SDHAF4: variants seen among roughly 807,000 people sequenced by gnomAD.
SDHAF4 encodes the protein succinate dehydrogenase complex assembly factor 4, also known as succinate dehydrogenase assembly factor 4, mitochondrial.
Under a neutral mutation model 14.3 loss-of-function variants are expected in SDHAF4, and 14 were observed. The ratio of observed to expected loss-of-function variants is 0.98; its 90% confidence interval spans 0.65 to 1.53. The LOEUF is 1.53. Among genes scored for constraint, SDHAF4 ranks in the 40% most tolerant of loss-of-function variants. The pLI, the probability that SDHAF4 is intolerant of heterozygous loss-of-function variation, is 0.00. For synonymous variants in SDHAF4, 63 were observed against 47.3 expected (o/e 1.33, Z -1.36); for missense variants, 141 against 129.3 (o/e 1.09, Z -0.44).
At chr6:70,598,240 A>T in the SDHAF4 span, among the ~76,000 whole-genome samples, 4 of 152,146 alleles carry the variant, frequency 2.6e-5, no homozygotes, top group Admixed American at 2.6e-4. Flanking sequence ...GTAGCCAGGC[A>T]TGCTGGCGGG....
chr6:70,583,692 A>AAAAACC (rs1485912804), intron 2 of SDHAF4, among the ~76,000 whole-genome samples: 1 of 152,172 alleles, frequency 6.6e-6, no homozygotes, highest in Non-Finnish European at 1.5e-5. Context: ...AAACAAAAAC[A>AAAAACC]AAACAAAACA....
intron 2 of SDHAF4, among the ~76,000 whole-genome samples, chr6:70,584,123 A>G (rs1335017270): frequency 2.0e-5 from 3 of 152,046 alleles, no homozygotes; most frequent in Non-Finnish European, 4.4e-5. Context: ...CCTCGGGTTC[A>G]AGCGAGTCTC....
chr6:70,568,962 C>CTTTTTTTTTT lies in SDHAF4; in HGVS notation c.64+1970_64+1979dup, dbSNP rs5877254. Reference sequence around the variant, plus strand: ...TTTGTGAAATACCTCTTTCTTTTTTCTTTTTTTTTTTTTTTTTTTTTGAGG... The same window carrying CTTTTTTTTTT: ...TTTGTGAAATACCTCTTTCTTTTTTCTTTTTTTTTTTTTTTTTTTTTTTTTTTTTTTGAGG... On this transcript the variant is annotated intron_variant, in intron 1 of 2. Coordinates refer to ENST00000370474, the MANE Select transcript of SDHAF4 (RefSeq NM_145267.3). Among the ~76,000 whole-genome samples the CTTTTTTTTTT allele has an allele frequency of 1.2e-3, 118 of 97,972 alleles. 1 individual carries two copies. The highest frequency in any genetic ancestry group is 1.6e-3 in the African/African-American group (37 of 23,742). The allele number at this position is 97,972 out of a possible 152,430, so 64.3% of individuals were successfully genotyped here.
At chr6:70,597,299 A>ATTTTTTTTTTTTTTTTTTTTTT in the SDHAF4 span, among the ~76,000 whole-genome samples, 17 of 108,076 alleles carry the variant, frequency 1.6e-4, no homozygotes, top group Admixed American at 4.1e-4. Flanking sequence ...CGCCTGGCTA[A>ATTTTTTTTTTTTTTTTTTTTTT]TTTTTTTTTT....
In SDHAF4 at chr6:70,568,292, T is replaced by TAC. The variant is rs150810278; in HGVS notation, c.64+1301_64+1302dup. Among the ~76,000 whole-genome samples the TAC allele has an allele frequency of 1.5e-4, 23 of 151,806 alleles. 1 individual carries two copies. Among genetic ancestry groups the TAC allele is most frequent in the Admixed American group, 7.2e-4 (11 of 15,222 alleles). On this transcript the variant is annotated intron_variant, in intron 1 of 2. Transcript: ENST00000370474. ...GAATTATTCCATATATATATATGTA[T>TAC]ACACACACACACACGTAGCACACAT... is the stretch of plus-strand genomic sequence containing the variant.
At chr6:70,585,268 C>T (rs1765181952) in intron 2 of SDHAF4, among the ~76,000 whole-genome samples, 2 of 152,196 alleles carry the variant, frequency 1.3e-5, no homozygotes, top group African/African-American at 4.8e-5. Flanking sequence ...TGACTGTCAA[C>T]ATTTGTTAAA....
chr6:70,580,752 T>A (rs1408232993), intron 2 of SDHAF4, among the ~76,000 whole-genome samples: 1 of 152,170 alleles, frequency 6.6e-6, no homozygotes, highest in Non-Finnish European at 1.5e-5. Flanking sequence ...ATTCCACTTA[T>A]ATAAGGTACC....
At chr6:70,568,134 A>G (rs964025790) in intron 1 of SDHAF4, among the ~76,000 whole-genome samples, 1 of 152,236 alleles carries the variant, frequency 6.6e-6, no homozygotes, top group South Asian at 2.1e-4. Flanking sequence ...ACTTAATTGT[A>G]TAAGTTTTAA....
chr6:70,597,753 T>G, the SDHAF4 span, among the ~76,000 whole-genome samples: 2 of 152,206 alleles, frequency 1.3e-5, no homozygotes, highest in Non-Finnish European at 2.9e-5. Flanking sequence ...CATTTTATAA[T>G]CAAATGTGTT....
chr6:70,580,896 G>A (rs1484390496), intron 2 of SDHAF4, among the ~76,000 whole-genome samples: 1 of 152,116 alleles, frequency 6.6e-6, no homozygotes, highest in Admixed American at 6.6e-5. Context: ...GGTATAGATA[G>A]TGGTGATGGT....
chr6:70,591,176 A>G (rs1029354437), downstream of SDHAF4, among the ~76,000 whole-genome samples: 5 of 152,090 alleles, frequency 3.3e-5, no homozygotes, highest in African/African-American at 1.2e-4. Context: ...TTAAACTGGT[A>G]CCCTGTGGCC....
At chr6:70,593,059 G>A (rs1292468689), downstream of SDHAF4, among the ~76,000 whole-genome samples, 1 of 152,222 alleles carries the variant, frequency 6.6e-6, no homozygotes, top group Non-Finnish European at 1.5e-5. Flanking sequence ...TCTACTCCTG[G>A]GCATTCTGGC....
chr6:70,587,906 C>T (rs1294935732), intron 2 of SDHAF4, among the ~76,000 whole-genome samples: 1 of 152,184 alleles, frequency 6.6e-6, no homozygotes, highest in African/African-American at 2.4e-5. Flanking sequence ...TGATGAGGAA[C>T]AGTAATTCTC....
chr6:70,580,216 T>C (rs1802304793), intron 2 of SDHAF4, among the ~76,000 whole-genome samples: 1 of 152,110 alleles, frequency 6.6e-6, no homozygotes, highest in South Asian at 2.1e-4. Flanking sequence ...AACAAACACA[T>C]GAAAAGATGC....
intron 2 of SDHAF4, among the ~76,000 whole-genome samples, chr6:70,580,625 G>T (rs1802310434): frequency 6.6e-6 from 1 of 152,142 alleles, no homozygotes; most frequent in East Asian, 1.9e-4. Flanking sequence ...TATACATCCG[G>T]TGGAAAACTA....
intron 2 of SDHAF4, among the ~76,000 whole-genome samples, chr6:70,583,594 A>G (rs1385675360): frequency 1.3e-5 from 2 of 152,168 alleles, no homozygotes. Context: ...GGGTTGTCCA[A>G]TCTCTTGGCT....
intron 1 of SDHAF4, among the ~76,000 whole-genome samples, chr6:70,572,740 C>G (rs1057439313): frequency 6.6e-6 from 1 of 151,702 alleles, no homozygotes; most frequent in South Asian, 2.1e-4. Context: ...TGTTGTTTTG[C>G]AGACTAATAG....
At chr6:70,569,058 T>C (rs1470725997) in intron 1 of SDHAF4, among the ~76,000 whole-genome samples, 1 of 138,904 alleles carries the variant, frequency 7.2e-6, no homozygotes, top group Non-Finnish European at 1.5e-5. Flanking sequence ...CTCCGCCTCC[T>C]GGGTTCACGC....
chr6:70,592,723 T>G (rs1765268737), downstream of SDHAF4, among the ~76,000 whole-genome samples: 1 of 152,204 alleles, frequency 6.6e-6, no homozygotes, highest in Non-Finnish European at 1.5e-5. Flanking sequence ...ATAAGTTACT[T>G]AAAGACAGAA....
Sources: gnomAD v4.1 joint callset for allele counts (sites outside exome capture counted in the v4.1 genomes callset) on GRCh38, gnomAD v4.1.1 for gene constraint, MANE v1.5 for transcripts, NCBI Gene and HGNC (gene_info 2026-07-23, HGNC 2026-07-21) for gene names.